The following MIS18BP1 variants were observed in gnomAD, a reference collection of about 807,000 sequenced individuals.
The protein encoded by MIS18BP1 is MIS18 binding protein 1, also known as mis18-binding protein 1.
Under a neutral mutation model 116.1 loss-of-function variants are expected in MIS18BP1, and 72 were observed. The ratio of observed to expected loss-of-function variants is 0.62; its 90% CI spans 0.51 to 0.75. MIS18BP1 has a LOEUF of 0.75. Among genes scored for constraint, MIS18BP1 ranks in the 30% least tolerant of loss-of-function variants. The probability of loss-of-function intolerance (pLI) is 0.00; values close to 1 mark genes in which losing one functional copy is unlikely to be tolerated. For synonymous variants in MIS18BP1, 386 were observed against 427.0 expected, an observed-to-expected ratio of 0.90 and a Z score of 1.18; for missense variants, 1,363 against 1,303.2, an observed-to-expected ratio of 1.05 and a Z score of -0.71.
chr14:45,251,741 A>C (rs910094499), intron 1 of MIS18BP1, among the ~76,000 whole-genome samples: 4 of 152,252 alleles, frequency 2.6e-5, no homozygotes, highest in South Asian at 4.1e-4. Context: ...ATGGGACATG[A>C]AAGGTGATTA....
chr14:45,207,588 C>T (rs146484280), intron 14 of MIS18BP1, among the ~76,000 whole-genome samples: 6 of 152,144 alleles, frequency 3.9e-5, no homozygotes, highest in Admixed American at 1.3e-4. Flanking sequence ...TAGATGGAGG[C>T]GGTAGTGAGC....
intron 13 of MIS18BP1, among the ~76,000 whole-genome samples, chr14:45,214,079 A>G (rs1890747465): frequency 1.3e-5 from 2 of 152,222 alleles, no homozygotes; most frequent in Admixed American, 6.5e-5. Context: ...CCCATGTGAT[A>G]GCCTGAGATA....
In MIS18BP1 at chr14:45,227,818, T is replaced by C. The variant is rs1478198858; in HGVS notation, c.1595-4A>G. On this transcript the variant is annotated splice_polypyrimidine_tract_variant and splice_region_variant and intron_variant, in intron 8 of 16. Transcript: ENST00000310806. ...CTGTGCTTATTACTCTTCAGTTCTA[T>C]GAATACAAAGATGGAGATTTCAATA... 1 of 1,611,834 alleles carries C rather than the reference T, an allele frequency of 6.2e-7. No homozygotes were observed. The highest frequency in any genetic ancestry group is 2.2e-5 in the East Asian group (1 of 44,862).
intron 13 of MIS18BP1, among the ~76,000 whole-genome samples, chr14:45,212,927 C>A (rs1310425678): frequency 6.6e-6 from 1 of 152,198 alleles, no homozygotes; most frequent in East Asian, 1.9e-4. Context: ...GCTTGGCCCT[C>A]TTCTGAGAGT....
In MIS18BP1 at chr14:45,246,847, G is replaced by A. The variant is rs1165895356; in HGVS notation, c.440C>T (p.Thr147Ile). The change falls in exon 2 of 17, where the codon ACC becomes ATC. Residue 147 changes from threonine (T) to isoleucine (I), a missense_variant. Thr to Ile is a moderately conservative substitution (Grantham distance 89, BLOSUM62 -1). Coordinates refer to ENST00000310806, the MANE Select transcript of MIS18BP1 (RefSeq NM_018353.5). Reference sequence around the variant, plus strand: ...TTTTTCAACTCTGTTAGGAGTGAAGGTTTCATTATTTCCACTTTTCTGTGG... The same window carrying A: ...TTTTTCAACTCTGTTAGGAGTGAAGATTTCATTATTTCCACTTTTCTGTGG... ...LEPQKSGNNE[T>I]FTPNRVEKKK... 2.5e-6 allele frequency: 4 copies of A among 1,611,542 alleles called. No individual in the cohort carries two copies. Among genetic ancestry groups the A allele is most frequent in the Non-Finnish European group, 3.4e-6 (4 of 1,179,476 alleles).
chr14:45,242,381 C>T lies in MIS18BP1; in HGVS notation c.796G>A (p.Asp266Asn), dbSNP rs947868852. 6.2e-7 allele frequency: 1 copy of T among 1,614,012 alleles called. No homozygotes were observed. The highest frequency in any genetic ancestry group is 8.5e-7 in the Non-Finnish European group (1 of 1,179,962). ...TCAACGCTTTCTAAAACAAACGTGT[C>T]CTTTTTGGATTTAGTGGTTGCAACT... Reference protein sequence around the residue: ...SIVATTKSKKDTFVLESVDSA... With the variant: ...SIVATTKSKKNTFVLESVDSA... The change falls in exon 4 of 17, where the codon GAC becomes AAC. Residue 266 changes from aspartate (D) to asparagine (N), a missense_variant. Asp to Asn is a conservative substitution (Grantham distance 23). Transcript: ENST00000310806.
chr14:45,252,306 A>G (rs2139267622), intron 1 of MIS18BP1, among the ~76,000 whole-genome samples: 1 of 152,388 alleles, frequency 6.6e-6, no homozygotes, highest in African/African-American at 2.4e-5. Flanking sequence ...TATGTATTCA[A>G]TAAAAAGATA....
chr14:45,224,898 C>A (rs774339765), intron 10 of MIS18BP1, 152 bp from the exon 11 acceptor site: 79 of 627,730 alleles, frequency 1.3e-4, no homozygotes, highest in Non-Finnish European at 2.1e-4. Context: ...CTTTCTGAAG[C>A]CCAGGTCTAT....
At chr14:45,208,518 G>T (rs1431944287) in intron 14 of MIS18BP1, among the ~76,000 whole-genome samples, 1 of 151,924 alleles carries the variant, frequency 6.6e-6, no homozygotes, top group Non-Finnish European at 1.5e-5. Context: ...ATTTTTAGTA[G>T]AGATGGGGTT....
chr14:45,232,462 C>T, intron 7 of MIS18BP1: 1 of 232,014 alleles, frequency 4.3e-6, no homozygotes, highest in Non-Finnish European at 8.4e-6. Context: ...ACTGGCATTT[C>T]AAACAAATAC....
rs189208574 is a variant in MIS18BP1 at position 45,250,864 on chromosome 14, G to A, written c.-92+2171C>T. ...CATCCTGTCTAACACGGTGAAAACC[G>A]GTCTCTACTAAAAATACAAAAAATT... On this transcript the variant is annotated intron_variant, in intron 1 of 16. Transcript: ENST00000310806. 2.6e-5 allele frequency among the ~76,000 whole-genome samples: 4 copies of A among 152,098 alleles called. No homozygotes were observed. In the East Asian group the frequency reaches 7.8e-4, roughly 30 times the overall value.
At chr14:45,224,843 A>G in intron 10 of MIS18BP1, 97 bp from the exon 11 acceptor site, 4 of 950,720 alleles carry the variant, frequency 4.2e-6, no homozygotes, top group Non-Finnish European at 6.1e-6. Flanking sequence ...AAAAGATACT[A>G]TTTTTATCCA....
Position 45,218,136 on chromosome 14 carries a change from CAG to C in MIS18BP1, c.2842+144_2842+145del, listed in dbSNP as rs1440976184. 7.8e-6 allele frequency: 7 copies of C among 899,734 alleles called. No individual in the cohort carries two copies. The African/African-American group carries it at 1.0e-4, about 13-fold the overall frequency. 55.7% of individuals were successfully genotyped at this position (899,734 alleles called of 1,614,324 possible). On this transcript the variant is annotated intron_variant, in intron 12 of 16. Coordinates refer to ENST00000310806, the MANE Select transcript of MIS18BP1 (RefSeq NM_018353.5). ...ACCCAGGTAAGACTTAAAAATTAAACAGATGATTTCTGAAATTCTCTCTAGCT... is the reference window on the plus strand; with the variant it reads ...ACCCAGGTAAGACTTAAAAATTAAACATGATTTCTGAAATTCTCTCTAGCT...
chr14:45,247,592 T>G (rs1891757353), intron 1 of MIS18BP1, among the ~76,000 whole-genome samples: 1 of 151,912 alleles, frequency 6.6e-6, no homozygotes, highest in Non-Finnish European at 1.5e-5. Context: ...CCTAGCTACT[T>G]GGGAGGCTGA....
chr14:45,233,946 A>G (rs1163887147), intron 6 of MIS18BP1, among the ~76,000 whole-genome samples: 2 of 152,178 alleles, frequency 1.3e-5, no homozygotes, highest in African/African-American at 2.4e-5. Flanking sequence ...TTAATGACTA[A>G]AAGGAATCAG....
At position 45,226,845 on chromosome 14, in the gene MIS18BP1, CA is replaced by C; in HGVS notation, c.1747-10del. The C allele has an allele frequency of 1.5e-6, 2 of 1,343,606 alleles. No individual in the cohort carries two copies. The highest frequency in any genetic ancestry group is 1.5e-5 in the South Asian group (1 of 65,396). 83.2% of individuals were successfully genotyped at this position (1,343,606 alleles called of 1,614,324 possible). ...TTTTTTCCAATTAATTCCTTCAAAA[CA>C]AAAAGATACCTAGGTTTTATTTTAA... On this transcript the variant is annotated splice_polypyrimidine_tract_variant and intron_variant, in intron 9 of 16. Coordinates refer to ENST00000310806, the MANE Select transcript of MIS18BP1 (RefSeq NM_018353.5).
intron 2 of MIS18BP1, among the ~76,000 whole-genome samples, chr14:45,244,591 A>G (rs1038867959): frequency 2.0e-5 from 3 of 152,206 alleles, no homozygotes; most frequent in Admixed American, 2.0e-4. Context: ...GCATCTTAGC[A>G]GCAAAACAGG....
chr14:45,228,732 A>G (rs1891193701), intron 8 of MIS18BP1, among the ~76,000 whole-genome samples: 1 of 152,236 alleles, frequency 6.6e-6, no homozygotes, highest in African/African-American at 2.4e-5. Context: ...ATTACCATAT[A>G]ATGAAGGAAG....
At chr14:45,237,612 A>C (rs1891464201) in intron 5 of MIS18BP1, 36 bp downstream of exon 5, 1 of 1,578,686 alleles carries the variant, frequency 6.3e-7, no homozygotes, top group Admixed American at 1.9e-5. Context: ...ACATAACTAA[A>C]GTTTTATTAA....
Sources: allele counts gnomAD v4.1 joint callset (sites outside exome capture counted in the v4.1 genomes callset), GRCh38; gene constraint gnomAD v4.1.1; transcripts MANE v1.5; gene names NCBI Gene and HGNC (gene_info 2026-07-23, HGNC 2026-07-21).